The following FGF14 variants were observed in gnomAD, a reference collection of about 807,000 sequenced individuals.
FGF14 encodes fibroblast growth factor 14.
In FGF14, 5 loss-of-function variants were observed where a neutral mutation model predicts 25.5. The ratio of observed to expected loss-of-function variants is 0.20; its 90% CI spans 0.10 to 0.41. The LOEUF is 0.41. Ranked by LOEUF, FGF14 falls within the 10% of genes least tolerant of loss-of-function variation. The pLI is 1.00. For synonymous variants in FGF14, 138 were observed against 118.3 expected, an observed-to-expected ratio of 1.17 and a Z score of -1.08; for missense variants, 222 against 320.1, an observed-to-expected ratio of 0.69 and a Z score of 2.34.
Position 102,295,428 on chromosome 13 carries a change from GT to G in FGF14, c.208+106042del, listed in dbSNP as rs549365151. ...TTTCCTTGCCCCTTAGCAGCCTTAA[GT>G]TTTTTTCTTGTCCTTTGACTTGTAC... On this transcript the variant is annotated intron_variant, in intron 1 of 4. Coordinates refer to the FGF14 transcript ENST00000376131. Among the ~76,000 whole-genome samples, 96 of 152,084 alleles carry G rather than the reference GT, an allele frequency of 6.3e-4. 1 individual carries two copies. Among genetic ancestry groups the G allele is most frequent in the Non-Finnish European group, 1.3e-3 (88 of 68,030 alleles).
chr13:101,913,527 G>T (rs1039314963), intron 1 of FGF14, among the ~76,000 whole-genome samples: 1 of 152,064 alleles, frequency 6.6e-6, no homozygotes, highest in African/African-American at 2.4e-5. Context: ...TTTCAAAAAT[G>T]TGTATTACCC....
chr13:101,909,801 C>G (rs929070192), intron 1 of FGF14, among the ~76,000 whole-genome samples: 2 of 152,102 alleles, frequency 1.3e-5, no homozygotes, highest in Non-Finnish European at 2.9e-5. Flanking sequence ...ACATATGTTT[C>G]TTGCGGCACT....
At chr13:102,136,723 T>A in intron 1 of FGF14, among the ~76,000 whole-genome samples, 1 of 151,236 alleles carries the variant, frequency 6.6e-6, no homozygotes. Flanking sequence ...CATGAAATAA[T>A]CCAAAGTAAG....
intron 1 of FGF14, among the ~76,000 whole-genome samples, chr13:102,238,984 G>T (rs937364896): frequency 1.3e-5 from 2 of 151,996 alleles, no homozygotes; most frequent in Non-Finnish European, 2.9e-5. Flanking sequence ...GCTTAATGGA[G>T]TGGAAAGCAT....
chr13:102,104,459 T>C (rs2044807841), intron 1 of FGF14, among the ~76,000 whole-genome samples: 1 of 152,156 alleles, frequency 6.6e-6, no homozygotes, highest in Non-Finnish European at 1.5e-5. Context: ...TAATCAATGA[T>C]TTAAGAACTC....
intron 1 of FGF14, among the ~76,000 whole-genome samples, chr13:102,382,965 C>T (rs2058218753): frequency 6.6e-6 from 1 of 151,998 alleles, no homozygotes; most frequent in Admixed American, 6.6e-5. Context: ...TAGAGAGTTA[C>T]TGCTAATAGG....
chr13:102,328,875 A>C (rs539682329), intron 1 of FGF14, among the ~76,000 whole-genome samples: 1 of 152,210 alleles, frequency 6.6e-6, no homozygotes, highest in Admixed American at 6.5e-5. Context: ...GAATAGGAAA[A>C]TCCTGAAGCC....
chr13:101,720,841 A>T lies in FGF14; in HGVS notation c.*1990T>A. ...TTGTAATTTAGCATCATTGGCAATA[A>T]ATCTACTCAAACGTTCTGCTAACTT... On this transcript the variant is annotated 3_prime_UTR_variant, in exon 5 of 5. Transcript: ENST00000376143. 6.6e-6 allele frequency: 1 copy of T among 152,154 alleles called. No homozygotes were observed. The highest frequency in any genetic ancestry group is 1.9e-4 in the East Asian group (1 of 5,188). The allele number at this position is 152,154 out of a possible 1,614,324, so 9.4% of individuals were successfully genotyped here. A position where few individuals can be genotyped will look rare whatever the true frequency, so the allele number is the denominator to read the frequency against.
chr13:102,176,414 C>T (rs2048452794), intron 1 of FGF14, among the ~76,000 whole-genome samples: 1 of 151,900 alleles, frequency 6.6e-6, no homozygotes, highest in East Asian at 1.9e-4. Context: ...CTGGTAACTC[C>T]AAAGCTGAGG....
chr13:101,932,853 CA>C (rs1209092033), intron 1 of FGF14, among the ~76,000 whole-genome samples: 1 of 149,046 alleles, frequency 6.7e-6, no homozygotes, highest in African/African-American at 2.5e-5. Context: ...TAGTGTTTAA[CA>C]CGGTGGACAA....
chr13:101,789,694 C>T (rs567758772), intron 3 of FGF14, among the ~76,000 whole-genome samples: 2 of 152,028 alleles, frequency 1.3e-5, no homozygotes, highest in East Asian at 3.9e-4. Context: ...CCGAGGTAAA[C>T]TGGGGTGAGA....
intron 1 of FGF14, among the ~76,000 whole-genome samples, chr13:101,961,366 T>C (rs1334969340): frequency 6.6e-6 from 1 of 152,186 alleles, no homozygotes; most frequent in Non-Finnish European, 1.5e-5. Flanking sequence ...ATTTTTGTAA[T>C]ACATGTAAGG....
chr13:101,859,629 C>G (rs535622235), intron 3 of FGF14, among the ~76,000 whole-genome samples: 2 of 151,958 alleles, frequency 1.3e-5, no homozygotes, highest in Admixed American at 6.6e-5. Flanking sequence ...TCTTGCAAAC[C>G]CTTTTGTTAG....
At chr13:102,243,485 T>C (rs1455286212) in intron 1 of FGF14, among the ~76,000 whole-genome samples, 1 of 152,086 alleles carries the variant, frequency 6.6e-6, no homozygotes, top group Non-Finnish European at 1.5e-5. Context: ...AACACATAAT[T>C]GAATTGTTCA....
intron 1 of FGF14, among the ~76,000 whole-genome samples, chr13:101,930,223 C>T (rs1006167745): frequency 1.3e-5 from 2 of 152,006 alleles, no homozygotes. Context: ...AAAACAACAA[C>T]AAAACATTTT....
In FGF14 at chr13:101,721,152, A is replaced by C. The variant is rs2034949108; in HGVS notation, c.*1679T>G. ...AATAAATGAGGTTCAGTTTGGTCTC[A>C]ATGAACTCTTCTGAGAAGAAAACAT... On this transcript the variant is annotated 3_prime_UTR_variant, in exon 5 of 5. Transcript: ENST00000376143. 6.6e-6 allele frequency: 1 copy of C among 151,730 alleles called. No individual in the cohort carries two copies. The highest frequency in any genetic ancestry group is 2.4e-5 in the African/African-American group (1 of 41,424). 9.4% of individuals were successfully genotyped at this position (151,730 alleles called of 1,614,324 possible).
At chr13:101,802,033 G>A (rs2040903598) in intron 3 of FGF14, 2 of 412,168 alleles carry the variant, frequency 4.9e-6, no homozygotes, top group Admixed American at 2.7e-5. Context: ...GAAAGACAGT[G>A]TCTAGGAAAG....
chr13:102,340,531 T>G (rs1048987784), intron 1 of FGF14, among the ~76,000 whole-genome samples: 2 of 152,098 alleles, frequency 1.3e-5, no homozygotes, highest in Non-Finnish European at 2.9e-5. Flanking sequence ...CCTAAAACCT[T>G]GTGATACATC....
intron 1 of FGF14, among the ~76,000 whole-genome samples, chr13:102,355,778 C>T (rs867560578): frequency 2.6e-5 from 4 of 151,840 alleles, no homozygotes; most frequent in African/African-American, 4.8e-5. Context: ...TTGAACATAA[C>T]GTATGTGAAT....
Sources: gnomAD v4.1 joint callset for allele counts (sites outside exome capture counted in the v4.1 genomes callset) on GRCh38, gnomAD v4.1.1 for gene constraint, MANE v1.5 for transcripts, NCBI Gene and HGNC (gene_info 2026-07-23, HGNC 2026-07-21) for gene names.